BIN2: variants seen among roughly 807,000 people sequenced by gnomAD.
BIN2 encodes the protein breast cancer associated protein BRAP1.
In BIN2, 43 loss-of-function variants were observed where a neutral mutation model predicts 67.9. The ratio of observed to expected loss-of-function variants is 0.63; its 90% CI spans 0.50 to 0.82. The LOEUF is 0.82. Among genes scored for constraint, BIN2 ranks in the 40% least tolerant of loss-of-function variants. The pLI is 0.00. For missense variants in BIN2, 581 were observed against 671.6 expected (o/e 0.87, Z 1.49); for synonymous variants, 244 against 246.8 (o/e 0.99, Z 0.11).
upstream of BIN2, chr12:51,324,563 G>A (rs1281738449): frequency 6.6e-7 from 1 of 1,513,098 alleles, no homozygotes; most frequent in Non-Finnish European, 8.8e-7. Context: ...AAGCCGCCAT[G>A]TACACTGCGT....
At chr12:51,304,672 A>C (rs11169798) in intron 2 of BIN2, among the ~76,000 whole-genome samples, 47,538 of 152,124 alleles carry the variant, frequency 0.31, 7,734 homozygotes, top group African/African-American at 0.4. Flanking sequence ...GAATTTGTTC[A>C]TTTGTTAATT....
In BIN2 at chr12:51,299,640, A is replaced by C; in HGVS notation, c.483T>G (p.Asn161Lys). Residue 161 changes from asparagine to lysine, a missense_variant, in exon 6 of 13, where the codon AAT becomes AAG. Asn to Lys is a moderately conservative substitution (Grantham distance 94). Coordinates refer to ENST00000615107, the MANE Select transcript of BIN2 (RefSeq NM_016293.4). ...SARHHLEAVQ[N>K]AKKKDEAKTA... is the part of the protein sequence containing the mutation. ...TCTTGGCCTCATCTTTCTTCTTGGC[A>C]TTCTGCACTGCCTCCAGGTGGTGTC... 6.2e-7 allele frequency: 1 copy of C among 1,614,052 alleles called. No individual in the cohort carries two copies. The highest frequency in any genetic ancestry group is 8.5e-7 in the Non-Finnish European group (1 of 1,180,020).
chr12:51,311,464 G>C (rs992200087), intron 2 of BIN2, among the ~76,000 whole-genome samples: 1 of 152,000 alleles, frequency 6.6e-6, no homozygotes, highest in Non-Finnish European at 1.5e-5. Context: ...ACTGCAGCCT[G>C]GAATTCCTGG....
intron 2 of BIN2, among the ~76,000 whole-genome samples, chr12:51,311,829 T>C (rs1302117046): frequency 1.3e-5 from 2 of 152,036 alleles, no homozygotes; most frequent in Non-Finnish European, 2.9e-5. Context: ...TGGAGTGCAG[T>C]GGTGCGATCT....
rs868610345 is a variant in BIN2 at position 51,313,220 on chromosome 12, A to C, written c.162+603T>G. On this transcript the variant is annotated intron_variant, in intron 2 of 12. Transcript: ENST00000615107. ...GAAGGAAGGAAGGAAGGAAGGAAGG[A>C]AGGCAGGAAGGCAGGCAGGCAGGCA... Among the ~76,000 whole-genome samples, 53 of 138,222 alleles carry C rather than the reference A, an allele frequency of 3.8e-4. No homozygotes were observed. The South Asian group carries it at 0.012, about 30-fold the overall frequency. The allele number at this position is 138,222 out of a possible 152,430, so 90.7% of individuals were successfully genotyped here. A position where few individuals can be genotyped will look rare whatever the true frequency, so the allele number is the denominator to read the frequency against.
chr12:51,314,017 C>CTTATTTAT lies in BIN2; in HGVS notation c.82-122_82-115dup, dbSNP rs138541026. ...TCTCACTTACAACTCAAGGGCTGTA[C>CTTATTTAT]TTATTTATTTATTTATTTATTTATT... On this transcript the variant is annotated intron_variant, in intron 1 of 12. Transcript: ENST00000615107. 662 of 243,178 alleles carry CTTATTTAT rather than the reference C, an allele frequency of 2.7e-3. 6 individuals are homozygous for CTTATTTAT. Among genetic ancestry groups the CTTATTTAT allele is most frequent in the Non-Finnish European group, 2.9e-3 (361 of 125,518 alleles). The allele number at this position is 243,178 out of a possible 1,614,324, so 15.1% of individuals were successfully genotyped here.
intron 9 of BIN2, among the ~76,000 whole-genome samples, 191 bp downstream of exon 9, chr12:51,295,605 T>A (rs866313849): frequency 0.25 from 11,471 of 45,050 alleles, 2,325 homozygotes; most frequent in Middle Eastern, 0.33. Context: ...TATATATATA[T>A]ATATATATAT....
chr12:51,315,706 T>A (rs58213562), intron 1 of BIN2, among the ~76,000 whole-genome samples: 19,849 of 152,126 alleles, frequency 0.13, 1,442 homozygotes, highest in East Asian at 0.24. Context: ...TGGAAAACTT[T>A]GAGAGGCCCC....
At chr12:51,282,838 A>G (rs911095253) in intron 12 of BIN2, among the ~76,000 whole-genome samples, 92 of 151,956 alleles carry the variant, frequency 6.1e-4, no homozygotes, top group African/African-American at 2.2e-3. Context: ...TCCTGGTCTC[A>G]AGTGATCTGC....
At chr12:51,307,911 C>T (rs1317414553) in intron 2 of BIN2, among the ~76,000 whole-genome samples, 1 of 152,046 alleles carries the variant, frequency 6.6e-6, no homozygotes, top group Non-Finnish European at 1.5e-5. Context: ...ACAAAAGCCC[C>T]GCTCCATTTC....
intron 1 of BIN2, among the ~76,000 whole-genome samples, chr12:51,319,795 T>C (rs1382020731): frequency 2.6e-5 from 4 of 152,206 alleles, no homozygotes; most frequent in African/African-American, 9.6e-5. Context: ...TTGGTGGCTA[T>C]AGTTCCCTAC....
At chr12:51,296,992 C>G in intron 8 of BIN2, 97 bp downstream of exon 8, 2 of 1,136,164 alleles carry the variant, frequency 1.8e-6, no homozygotes, top group Non-Finnish European at 2.5e-6. Flanking sequence ...ATCTGTGGTG[C>G]CAATACGGAT....
At chr12:51,283,347 G>A (rs750165091) in intron 12 of BIN2, among the ~76,000 whole-genome samples, 21 of 152,028 alleles carry the variant, frequency 1.4e-4, no homozygotes, top group South Asian at 4.1e-4. Flanking sequence ...TCAGGAAGAG[G>A]CGTTGTTATT....
At chr12:51,299,147 G>T in intron 7 of BIN2, 56 bp downstream of exon 7, 2 of 1,255,308 alleles carry the variant, frequency 1.6e-6, no homozygotes, top group Non-Finnish European at 2.3e-6. Context: ...TACTGTCAAG[G>T]CACACAAGGT....
At chr12:51,304,559 G>C (rs896803251) in intron 2 of BIN2, among the ~76,000 whole-genome samples, 1 of 152,196 alleles carries the variant, frequency 6.6e-6, no homozygotes, top group African/African-American at 2.4e-5. Context: ...CACTTCAAGG[G>C]AACTCTAGGG....
chr12:51,324,585 G>A (rs1946383140), upstream of BIN2: 1 of 1,477,274 alleles, frequency 6.8e-7, no homozygotes, highest in Non-Finnish European at 9.0e-7. Flanking sequence ...TCTTGCTCCA[G>A]GTAGGCTCTA....
At chr12:51,320,631 ATTC>A (rs72275658) in intron 1 of BIN2, among the ~76,000 whole-genome samples, 25,250 of 144,302 alleles carry the variant, frequency 0.17, 2,196 homozygotes, top group South Asian at 0.23. Context: ...TATTATCATT[ATTC>A]TTTTTTTTTT....
At chr12:51,302,649 A>G (rs1318094658) in intron 4 of BIN2, 37 bp downstream of exon 4, 12 of 1,513,718 alleles carry the variant, frequency 7.9e-6, no homozygotes, top group Non-Finnish European at 1.1e-5. Context: ...AAACAGGAGT[A>G]AGTGCCAATA....
At chr12:51,323,533 G>C (rs1322362094) in intron 1 of BIN2, among the ~76,000 whole-genome samples, 1 of 151,508 alleles carries the variant, frequency 6.6e-6, no homozygotes, top group African/African-American at 2.5e-5. Context: ...GTCAGGTAGG[G>C]GGAGAACTAT....
Sources: gnomAD v4.1 joint callset for allele counts (sites outside exome capture counted in the v4.1 genomes callset) on GRCh38, gnomAD v4.1.1 for gene constraint, MANE v1.5 for transcripts, NCBI Gene and HGNC (gene_info 2026-07-23, HGNC 2026-07-21) for gene names.